DMD: variants seen among roughly 807,000 people sequenced by gnomAD.
DMD encodes mutant dystrophin.
DMD carries 63 observed loss-of-function variants against 330.1 expected under a neutral mutation model. The observed-to-expected ratio is 0.19, with a 90% CI of 0.16 to 0.24. The LOEUF (loss-of-function observed/expected upper bound fraction) is 0.24. DMD is among the 10% of genes least tolerant of loss of function. The pLI, the probability that DMD is intolerant of heterozygous loss-of-function variation, is 1.00. For missense variants in DMD, 3,344 were observed against 2,684.1 expected (o/e 1.25, Z -5.43); for synonymous variants, 1,223 against 959.8 (o/e 1.27, Z -5.07).
chrX:32,887,418 T>G (rs761607570), intron 2 of DMD, among the ~76,000 whole-genome samples: 1 of 109,765 alleles, frequency 9.1e-6, no homozygotes, highest in African/African-American at 3.3e-5. Flanking sequence ...CAAAATGGAT[T>G]AAAGACTTAC....
intron 2 of DMD, among the ~76,000 whole-genome samples, chrX:32,981,596 C>CA (rs1472614653): frequency 9.0e-6 from 1 of 111,231 alleles, no homozygotes; most frequent in African/African-American, 3.3e-5. Context: ...TTTCAGATAT[C>CA]ATTTATATGA....
intron 61 of DMD, among the ~76,000 whole-genome samples, chrX:31,328,998 T>A (rs910710385): frequency 8.9e-6 from 1 of 112,348 alleles, no homozygotes; most frequent in African/African-American, 3.2e-5. Context: ...TACATCTCTG[T>A]CTTCCTAGAC....
intron 1 of DMD, among the ~76,000 whole-genome samples, chrX:33,187,739 T>C (rs1426646352): frequency 8.9e-6 from 1 of 111,783 alleles, no homozygotes; most frequent in African/African-American, 3.2e-5. Flanking sequence ...TCCCTGGTTT[T>C]CTCTAATACT....
chrX:32,813,772 T>C (rs2077534756), intron 6 of DMD, among the ~76,000 whole-genome samples: 1 of 111,399 alleles, frequency 9.0e-6, no homozygotes, highest in Non-Finnish European at 1.9e-5. Context: ...GTGATGATTT[T>C]CTCGTTTTTC....
At chrX:33,177,386 G>C (rs1377342977) in intron 1 of DMD, among the ~76,000 whole-genome samples, 1 of 110,990 alleles carries the variant, frequency 9.0e-6, no homozygotes, top group Non-Finnish European at 1.9e-5. Flanking sequence ...ATTTTATTTT[G>C]TTTTATTTAT....
chrX:31,505,582 G>A (rs2070856107), intron 56 of DMD, among the ~76,000 whole-genome samples: 1 of 110,871 alleles, frequency 9.0e-6, no homozygotes, highest in African/African-American at 3.3e-5. Context: ...ATCATATGGT[G>A]GTTAAAAGTT....
Position 31,303,062 on chromosome X carries a change from T to C in DMD, c.9224+20536A>G, listed in dbSNP as rs187950092. ...AATTCCGATCCTCTCTGATGCCCCCTCTCCCATACTACAACTAGTATCATA... is the reference window on the plus strand; with the variant it reads ...AATTCCGATCCTCTCTGATGCCCCCCCTCCCATACTACAACTAGTATCATA... On this transcript the variant is annotated intron_variant, in intron 62 of 78. Coordinates refer to ENST00000357033, the MANE Select transcript of DMD (RefSeq NM_004006.3). Among the ~76,000 whole-genome samples, 233 of 112,038 alleles carry C rather than the reference T, an allele frequency of 2.1e-3. 2 individuals are homozygous for C. The highest frequency in any genetic ancestry group is 7.3e-3 in the African/African-American group (225 of 30,893).
intron 1 of DMD, among the ~76,000 whole-genome samples, chrX:33,149,768 T>C (rs2048191581): frequency 9.0e-6 from 1 of 111,160 alleles, no homozygotes; most frequent in South Asian, 3.8e-4. Context: ...TGGATTCTGC[T>C]GACCAGCTCA....
intron 54 of DMD, among the ~76,000 whole-genome samples, chrX:31,653,440 G>A (rs1236489387): frequency 1.8e-5 from 2 of 110,486 alleles, no homozygotes; most frequent in Non-Finnish European, 3.8e-5. Context: ...TTTAGTATCT[G>A]GGAGCTTAGC....
chrX:32,635,046 T>G (rs1365318053), intron 11 of DMD, among the ~76,000 whole-genome samples: 1 of 112,028 alleles, frequency 8.9e-6, no homozygotes, highest in Non-Finnish European at 1.9e-5. Context: ...TTCTTCCCTG[T>G]CTAGGGTTCA....
chrX:32,178,196 AT>A (rs10597296), intron 44 of DMD, among the ~76,000 whole-genome samples: 15,478 of 100,441 alleles, frequency 0.15, 1,497 homozygotes, highest in African/African-American at 0.34. Context: ...TCTCAAGACC[AT>A]TTTTTTTTTT....
rs777052944 is a variant in DMD at position 31,536,599 on chromosome X, C to T, written c.8218-29146G>A. On this transcript the variant is annotated intron_variant, in intron 55 of 78. Coordinates refer to ENST00000357033, the MANE Select transcript of DMD (RefSeq NM_004006.3). ...TTAAATCTCAGACTCCAACACCTTC[C>T]TCATCACTGGGCATTTAGCTGCAGC... Among the ~76,000 whole-genome samples the T allele has an allele frequency of 2.7e-5, 3 of 111,448 alleles. No homozygotes were observed. The South Asian group carries it at 1.1e-3, about 42-fold the overall frequency.
At chrX:32,433,070 T>G (rs1379779890) in intron 29 of DMD, among the ~76,000 whole-genome samples, 2 of 112,497 alleles carry the variant, frequency 1.8e-5, no homozygotes, top group East Asian at 5.6e-4. Context: ...AGAGAAGTGG[T>G]AAAGGCTTTG....
intron 1 of DMD, among the ~76,000 whole-genome samples, chrX:33,111,230 G>C (rs887741157): frequency 9.0e-6 from 1 of 111,309 alleles, no homozygotes; most frequent in East Asian, 2.8e-4. Flanking sequence ...GAATGAGAGG[G>C]GTGTCAATAA....
chrX:32,662,586 A>G lies in DMD; in HGVS notation c.961-17434T>C, dbSNP rs17271654. On this transcript the variant is annotated intron_variant, in intron 9 of 78. Transcript: ENST00000357033. ...AATTTATTAACACGGGTTGTTCCGT[A>G]TAGTTGGCCAACATTGCTTATTTCT... Among the ~76,000 whole-genome samples, 65 of 111,827 alleles carry G rather than the reference A, an allele frequency of 5.8e-4. 1 individual carries two copies. In the East Asian group the frequency reaches 0.017, roughly 29 times the overall value.
intron 50 of DMD, among the ~76,000 whole-genome samples, chrX:31,818,344 T>G (rs1416291351): frequency 8.9e-6 from 1 of 112,125 alleles, no homozygotes; most frequent in Admixed American, 9.5e-5. Flanking sequence ...ATAAAGTGGA[T>G]GAATTATATA....
chrX:33,317,992 C>T (rs878911720), intron 1 of DMD, among the ~76,000 whole-genome samples: 15 of 111,211 alleles, frequency 1.3e-4, no homozygotes, highest in Admixed American at 9.6e-5. Flanking sequence ...AAAATGAAAT[C>T]ATCATCATCA....
At chrX:32,146,570 A>G (rs187311345) in intron 44 of DMD, among the ~76,000 whole-genome samples, 98 of 112,347 alleles carry the variant, frequency 8.7e-4, no homozygotes, top group Non-Finnish European at 1.4e-3. Context: ...TAGGATTGCT[A>G]TGAGCATTAA....
At chrX:32,228,093 A>T (rs1377488711) in intron 43 of DMD, among the ~76,000 whole-genome samples, 1 of 111,706 alleles carries the variant, frequency 9.0e-6, no homozygotes, top group Admixed American at 9.6e-5. Flanking sequence ...GCTTAGGGGA[A>T]AACACCGTAA....
Sources: allele counts gnomAD v4.1 joint callset (sites outside exome capture counted in the v4.1 genomes callset), GRCh38; gene constraint gnomAD v4.1.1; transcripts MANE v1.5; gene names NCBI Gene and HGNC (gene_info 2026-07-23, HGNC 2026-07-21).